The following TBC1D14 variants were observed in gnomAD, a reference collection of about 807,000 sequenced individuals.
TBC1D14 encodes the protein TBC1 domain family, member 14.
In TBC1D14, 26 loss-of-function variants were observed where a neutral mutation model predicts 79.0. The ratio of observed to expected loss-of-function variants is 0.33; its 90% CI spans 0.24 to 0.46. The LOEUF is 0.46. TBC1D14 is among the 20% of genes least tolerant of loss of function. The pLI, the probability that TBC1D14 is intolerant of heterozygous loss-of-function variation, is 1.00. For synonymous variants in TBC1D14, 394 were observed against 349.9 expected, an observed-to-expected ratio of 1.13 and a Z score of -1.40; for missense variants, 769 against 887.6, an observed-to-expected ratio of 0.87 and a Z score of 1.70.
rs937102924 is a variant in TBC1D14, at chr4:6,950,681, T to C, written c.723-16623T>C. Among the ~76,000 whole-genome samples, 3 of 150,746 alleles carry C rather than the reference T, an allele frequency of 2.0e-5. No homozygotes were observed. The South Asian group carries it at 6.2e-4, about 31-fold the overall frequency. On this transcript the variant is annotated intron_variant, in intron 2 of 13. Transcript: ENST00000409757. ...AATGCTTTTTTCCTGCATCTATTGA[T>C]AACTTATGTTTTCTCCTTTACATGG...
intron 1 of TBC1D14, among the ~76,000 whole-genome samples, chr4:6,912,999 A>T (rs1040706869): frequency 2.0e-5 from 3 of 151,866 alleles, no homozygotes; most frequent in African/African-American, 7.3e-5. Flanking sequence ...GTTCTATTCT[A>T]TTCTATTTTT....
intron 2 of TBC1D14, among the ~76,000 whole-genome samples, chr4:6,934,568 G>A (rs1268087538): frequency 4.0e-5 from 6 of 151,846 alleles, no homozygotes; most frequent in African/African-American, 1.5e-4. Flanking sequence ...TTAGGCATGA[G>A]AATCTCTTGA....
At chr4:7,006,836 G>A (rs942978097) in intron 9 of TBC1D14, 110 bp downstream of exon 9, 1 of 869,528 alleles carries the variant, frequency 1.2e-6, no homozygotes, top group African/African-American at 1.7e-5. Context: ...TTTTGGGGGT[G>A]TTAGGAGGTA....
At chr4:6,998,293 G>T (rs1458687836) in intron 5 of TBC1D14, among the ~76,000 whole-genome samples, 1 of 151,642 alleles carries the variant, frequency 6.6e-6, no homozygotes, top group East Asian at 1.9e-4. Flanking sequence ...CCGGGAGGCG[G>T]AGGTTTCAGT....
intron 2 of TBC1D14, among the ~76,000 whole-genome samples, chr4:6,960,605 G>A (rs1715104168): frequency 1.3e-5 from 2 of 152,078 alleles, no homozygotes; most frequent in Non-Finnish European, 2.9e-5. Context: ...AGGAACTCTT[G>A]GGTTGTTTCC....
intron 1 of TBC1D14, among the ~76,000 whole-genome samples, chr4:6,911,522 C>G (rs1419441923): frequency 1.3e-5 from 2 of 152,246 alleles, no homozygotes; most frequent in Non-Finnish European, 2.9e-5. Flanking sequence ...CCCCAGCCTA[C>G]CCTCTCACAT....
chr4:6,936,074 G>A (rs74284780), intron 2 of TBC1D14, among the ~76,000 whole-genome samples: 7,408 of 152,266 alleles, frequency 0.049, 208 homozygotes, highest in African/African-American at 0.066. Context: ...TTACCCTCAT[G>A]TGCACAGCCT....
At chr4:7,025,863 C>T (rs1722318785) in intron 13 of TBC1D14, among the ~76,000 whole-genome samples, 1 of 152,208 alleles carries the variant, frequency 6.6e-6, no homozygotes, top group Non-Finnish European at 1.5e-5. Flanking sequence ...AGGTCCTGTC[C>T]CCAGTGGGAT....
intron 3 of TBC1D14, among the ~76,000 whole-genome samples, chr4:6,968,196 T>C (rs1373589515): frequency 6.6e-6 from 1 of 152,106 alleles, no homozygotes; most frequent in Non-Finnish European, 1.5e-5. Context: ...GTAGACACTC[T>C]TGAGGCTCCA....
intron 1 of TBC1D14, among the ~76,000 whole-genome samples, chr4:6,918,898 C>G (rs1300824458): frequency 6.6e-6 from 1 of 152,076 alleles, no homozygotes. Flanking sequence ...TGGATTATAT[C>G]TTACTTTTGT....
chr4:6,969,930 G>A (rs925545508), intron 3 of TBC1D14, among the ~76,000 whole-genome samples: 11 of 152,174 alleles, frequency 7.2e-5, no homozygotes, highest in East Asian at 3.9e-4. Flanking sequence ...CCCTCTCATC[G>A]CTCATCTCCC....
chr4:6,987,958 C>T (rs1291116535), intron 3 of TBC1D14, among the ~76,000 whole-genome samples: 1 of 152,238 alleles, frequency 6.6e-6, no homozygotes. Flanking sequence ...TTAGAGAACG[C>T]TTTCCAGGAG....
intron 2 of TBC1D14, among the ~76,000 whole-genome samples, chr4:6,934,421 C>T (rs1014974856): frequency 6.6e-6 from 1 of 152,036 alleles, no homozygotes; most frequent in African/African-American, 2.4e-5. Flanking sequence ...ATTGACTGTT[C>T]AAGCACTTTG....
chr4:7,017,765 G>C (rs1721425016), intron 12 of TBC1D14, among the ~76,000 whole-genome samples: 2 of 152,202 alleles, frequency 1.3e-5, no homozygotes, highest in African/African-American at 2.4e-5. Context: ...TTCCAGTACA[G>C]GGCAAGGCAT....
At chr4:6,968,496 T>C (rs915088971) in intron 3 of TBC1D14, among the ~76,000 whole-genome samples, 2 of 152,212 alleles carry the variant, frequency 1.3e-5, no homozygotes, top group Non-Finnish European at 2.9e-5. Flanking sequence ...AAAGAAGCAC[T>C]GAGACACAGA....
At chr4:7,002,201 G>A (rs1719744166) in intron 7 of TBC1D14, among the ~76,000 whole-genome samples, 1 of 152,196 alleles carries the variant, frequency 6.6e-6, no homozygotes, top group African/African-American at 2.4e-5. Context: ...GAGGAACGTG[G>A]GGGCCCGGAA....
intron 12 of TBC1D14, among the ~76,000 whole-genome samples, chr4:7,019,023 T>TTTG (rs958423372): frequency 3.9e-5 from 6 of 152,114 alleles, no homozygotes; most frequent in African/African-American, 7.2e-5. Flanking sequence ...TCCATCTTTT[T>TTTG]TTGTTGTTGT....
At chr4:6,916,360 C>T (rs1377719214) in intron 1 of TBC1D14, among the ~76,000 whole-genome samples, 1 of 152,176 alleles carries the variant, frequency 6.6e-6, no homozygotes, top group Non-Finnish European at 1.5e-5. Context: ...TGGATATCTA[C>T]ACAGACGGCA....
chr4:6,911,192 C>T lies in TBC1D14; in HGVS notation c.-18+1241C>T, dbSNP rs369166303. Among the ~76,000 whole-genome samples the T allele has an allele frequency of 8.5e-4, 130 of 152,264 alleles. 6 individuals are homozygous for T. Among genetic ancestry groups the T allele is most frequent in the Middle Eastern group, 6.8e-3 (2 of 294 alleles). ...GACCAACCCTCTTACTGCTTCTTTG[C>T]TGTGTGTTTGACCCCTTGAGATTGT... On this transcript the variant is annotated intron_variant, in intron 1 of 13. Coordinates refer to ENST00000409757, the MANE Select transcript of TBC1D14 (RefSeq NM_020773.3).
Sources: gnomAD v4.1 joint callset for allele counts (sites outside exome capture counted in the v4.1 genomes callset) on GRCh38, gnomAD v4.1.1 for gene constraint, MANE v1.5 for transcripts, NCBI Gene and HGNC (gene_info 2026-07-23, HGNC 2026-07-21) for gene names.